Variants in PPFIA1 observed in about 807,000 individuals in gnomAD.
The protein encoded by PPFIA1 is PPFI scaffold protein A1.
Under a neutral mutation model 149.9 loss-of-function variants are expected in PPFIA1, and 25 were observed. The ratio of observed to expected loss-of-function variants is 0.17; its 90% CI spans 0.12 to 0.23. PPFIA1 has a LOEUF of 0.23. PPFIA1 is among the 10% of genes least tolerant of loss of function. The pLI, the probability that PPFIA1 is intolerant of heterozygous loss-of-function variation, is 1.00. For missense variants in PPFIA1, 1,362 were observed against 1,506.5 expected (o/e 0.90, Z 1.59); for synonymous variants, 549 against 552.8 (o/e 0.99, Z 0.10).
chr11:70,340,031 C>G (rs1047467264), intron 14 of PPFIA1, among the ~76,000 whole-genome samples: 1 of 151,738 alleles, frequency 6.6e-6, no homozygotes, highest in Non-Finnish European at 1.5e-5. Context: ...AAATAAAAAG[C>G]CGAGTGCAGT....
intron 2 of PPFIA1, among the ~76,000 whole-genome samples, chr11:70,310,848 G>A (rs1211498093): frequency 6.6e-6 from 1 of 152,168 alleles, no homozygotes; most frequent in Non-Finnish European, 1.5e-5. Flanking sequence ...AGGTTTGAGG[G>A]CTAAGTGCTG....
chr11:70,303,322 T>G (rs2052615878), intron 2 of PPFIA1, among the ~76,000 whole-genome samples: 1 of 152,162 alleles, frequency 6.6e-6, no homozygotes. Context: ...CTCAGAATGC[T>G]TACTCACACA....
intron 2 of PPFIA1, among the ~76,000 whole-genome samples, chr11:70,294,805 A>C (rs887115500): frequency 1.3e-5 from 2 of 151,732 alleles, no homozygotes; most frequent in Non-Finnish European, 2.9e-5. Context: ...CACATCTTGC[A>C]CTGCCCTTAA....
intron 2 of PPFIA1, among the ~76,000 whole-genome samples, chr11:70,312,831 G>A (rs1395263152): frequency 6.6e-6 from 1 of 152,214 alleles, no homozygotes. Context: ...CTGGGCTTCT[G>A]CTTTTCAGAG....
intron 26 of PPFIA1, among the ~76,000 whole-genome samples, chr11:70,379,071 T>C (rs1360139966): frequency 6.6e-6 from 1 of 152,160 alleles, no homozygotes; most frequent in Non-Finnish European, 1.5e-5. Context: ...CATAGAGTAG[T>C]TGCGATGATT....
intron 2 of PPFIA1, among the ~76,000 whole-genome samples, chr11:70,280,893 A>G (rs2050722514): frequency 6.6e-6 from 1 of 151,988 alleles, no homozygotes; most frequent in Admixed American, 6.6e-5. Context: ...TTTTTTACTG[A>G]CCCATCTTCC....
At position 70,382,131 on chromosome 11, in the gene PPFIA1, G is replaced by T. The variant is rs2057737008; in HGVS notation, c.3594G>T (p.Arg1198Ser). 1.2e-6 allele frequency: 2 copies of T among 1,613,946 alleles called. No homozygotes were observed. Among genetic ancestry groups the T allele is most frequent in the Non-Finnish European group, 1.7e-6 (2 of 1,179,964 alleles). ...GTQRLDSATV[R>S]TYSC is the part of the protein sequence containing the mutation. ...AGAGGTTGGATTCTGCTACAGTCAG[G>T]ACTTACTCCTGCTAAAGTCTCCTGT... Residue 1198 changes from arginine (R) to serine (S), a missense_variant, in exon 27 of 28, where the codon AGG (arginine) becomes AGT (serine). Around this residue, in one of 7 missense-constraint regions of PPFIA1, gnomAD observed 349 missense variants for 373.3 expected, o/e 0.93. Transcript: ENST00000253925.
chr11:70,299,477 A>G (rs2052327190), intron 2 of PPFIA1, among the ~76,000 whole-genome samples: 1 of 152,128 alleles, frequency 6.6e-6, no homozygotes, highest in Non-Finnish European at 1.5e-5. Context: ...ATCCACAAAG[A>G]TACTGTTCTC....
intron 21 of PPFIA1, among the ~76,000 whole-genome samples, chr11:70,366,246 C>G (rs578112873): frequency 2.0e-5 from 3 of 152,230 alleles, no homozygotes; most frequent in African/African-American, 4.8e-5. Context: ...TATACAAAGT[C>G]TTGTGGCTTA....
At chr11:70,312,625 G>A (rs1444998742) in intron 2 of PPFIA1, among the ~76,000 whole-genome samples, 4 of 152,212 alleles carry the variant, frequency 2.6e-5, no homozygotes, top group South Asian at 2.1e-4. Context: ...TGTACTTCCC[G>A]TCTTGCCTGT....
chr11:70,273,717 A>G (rs1024681778), intron 2 of PPFIA1, among the ~76,000 whole-genome samples: 8 of 152,204 alleles, frequency 5.3e-5, no homozygotes, highest in African/African-American at 1.9e-4. Flanking sequence ...TGGATTAAAG[A>G]ATCATTAAGA....
At chr11:70,351,915 TG>T (rs1302607958) in intron 16 of PPFIA1, among the ~76,000 whole-genome samples, 1 of 152,224 alleles carries the variant, frequency 6.6e-6, no homozygotes, top group African/African-American at 2.4e-5. Flanking sequence ...GAGATAACTG[TG>T]GATTGGGCCT....
At chr11:70,313,160 T>A (rs2053397890) in intron 2 of PPFIA1, among the ~76,000 whole-genome samples, 1 of 152,206 alleles carries the variant, frequency 6.6e-6, no homozygotes, top group Non-Finnish European at 1.5e-5. Flanking sequence ...GGAGTCAGAA[T>A]GGGCGGAGCT....
intron 15 of PPFIA1, among the ~76,000 whole-genome samples, chr11:70,345,602 A>G (rs1272682128): frequency 6.6e-5 from 10 of 152,146 alleles, no homozygotes; most frequent in Middle Eastern, 3.4e-3. Flanking sequence ...GAGACTAGGA[A>G]TTGAGCCAGG....
At chr11:70,274,316 G>A (rs893079431) in intron 2 of PPFIA1, among the ~76,000 whole-genome samples, 1 of 151,998 alleles carries the variant, frequency 6.6e-6, no homozygotes, top group Non-Finnish European at 1.5e-5. Context: ...TTCACAAATC[G>A]TAAGTATACA....
chr11:70,313,850 C>T (rs938643188), intron 2 of PPFIA1, among the ~76,000 whole-genome samples: 1 of 152,078 alleles, frequency 6.6e-6, no homozygotes, highest in African/African-American at 2.4e-5. Flanking sequence ...ACATGACAAA[C>T]CCCCATCTCT....
At chr11:70,334,795 G>A (rs1308043707) in intron 10 of PPFIA1, among the ~76,000 whole-genome samples, 6 of 152,302 alleles carry the variant, frequency 3.9e-5, no homozygotes, top group South Asian at 4.1e-4. Context: ...GGTGCACGTC[G>A]TAACCCCGTG....
chr11:70,284,765 A>G (rs933555500), intron 2 of PPFIA1, among the ~76,000 whole-genome samples: 1 of 152,096 alleles, frequency 6.6e-6, no homozygotes, highest in Admixed American at 6.5e-5. Flanking sequence ...AGAGCAAGGG[A>G]GAGCTTAGCA....
chr11:70,283,186 G>C (rs2050884535), intron 2 of PPFIA1, among the ~76,000 whole-genome samples: 1 of 151,132 alleles, frequency 6.6e-6, no homozygotes, highest in Non-Finnish European at 1.5e-5. Flanking sequence ...TATTGCCTTT[G>C]GGCTTCTCTC....
Sources: allele counts gnomAD v4.1 joint callset (sites outside exome capture counted in the v4.1 genomes callset), GRCh38; gene constraint gnomAD v4.1.1; regional missense constraint gnomAD v4.1.1; transcripts MANE v1.5; gene names NCBI Gene and HGNC (gene_info 2026-07-23, HGNC 2026-07-21).